The following ARHGAP42 variants were observed in gnomAD, a reference collection of about 807,000 sequenced individuals.
ARHGAP42 encodes the protein Rho GTPase activating protein 42.
A neutral mutation model predicts 125.0 loss-of-function variants in ARHGAP42; 63 were observed. The observed-to-expected ratio is 0.50, with a 90% CI of 0.41 to 0.62. ARHGAP42 has a LOEUF of 0.62. ARHGAP42 is among the 20% of genes least tolerant of loss of function. The pLI is 0.00. For synonymous variants in ARHGAP42, 339 were observed against 351.0 expected (o/e 0.97, Z 0.38); for missense variants, 766 against 1,024.2 (o/e 0.75, Z 3.44).
intron 1 of ARHGAP42, among the ~76,000 whole-genome samples, chr11:100,697,467 C>T (rs950127752): frequency 1.3e-5 from 2 of 152,158 alleles, no homozygotes; most frequent in African/African-American, 4.8e-5. Context: ...CAGGCGTGAG[C>T]CACCGCGCCC....
At chr11:100,705,015 A>AC (rs57168463) in intron 1 of ARHGAP42, among the ~76,000 whole-genome samples, 12,018 of 119,636 alleles carry the variant, frequency 0.1, 433 homozygotes, top group East Asian at 0.17. Context: ...AACAACAACA[A>AC]AAAAAAAAAA....
At chr11:100,733,826 A>T (rs1289611053) in intron 1 of ARHGAP42, among the ~76,000 whole-genome samples, 18 of 53,474 alleles carry the variant, frequency 3.4e-4, no homozygotes, top group Non-Finnish European at 5.7e-4. Flanking sequence ...TTCTGTCTGG[A>T]AAAAAAAAAA....
rs1862865045 is a variant in ARHGAP42, at chr11:100,767,769, C to T, written c.155-2574C>T. 2.0e-5 allele frequency among the ~76,000 whole-genome samples: 3 copies of T among 152,118 alleles called. No individual in the cohort carries two copies. The South Asian group carries it at 6.2e-4, about 32-fold the overall frequency. ...GGAATTACATTTAGGGCTTCAAATC[C>T]AGCAGAACATAAGGCCTTTATTTTA... On this transcript the variant is annotated intron_variant, in intron 1 of 23. Transcript: ENST00000298815.
chr11:100,957,597 A>G (rs1482622618), intron 12 of ARHGAP42, among the ~76,000 whole-genome samples: 1 of 152,136 alleles, frequency 6.6e-6, no homozygotes, highest in African/African-American at 2.4e-5. Flanking sequence ...CAAAGGAAAC[A>G]AAAATTCATG....
At chr11:100,759,361 GCTT>G (rs1804803154) in intron 1 of ARHGAP42, among the ~76,000 whole-genome samples, 1 of 152,064 alleles carries the variant, frequency 6.6e-6, no homozygotes, top group African/African-American at 2.4e-5. Flanking sequence ...TAGGCACCTG[GCTT>G]CTTATCTCTA....
intron 1 of ARHGAP42, among the ~76,000 whole-genome samples, chr11:100,765,521 T>A (rs1252087919): frequency 6.6e-6 from 1 of 152,194 alleles, no homozygotes; most frequent in African/African-American, 2.4e-5. Flanking sequence ...TTCTTGCGGC[T>A]ATTGTGAGGA....
At chr11:100,811,752 G>A (rs181014353) in intron 3 of ARHGAP42, among the ~76,000 whole-genome samples, 4 of 151,892 alleles carry the variant, frequency 2.6e-5, no homozygotes, top group East Asian at 3.9e-4. Context: ...CGCCTGCCTC[G>A]GCCTCCCAAA....
intron 1 of ARHGAP42, among the ~76,000 whole-genome samples, chr11:100,745,782 T>C (rs1204614959): frequency 1.3e-5 from 2 of 152,248 alleles, no homozygotes; most frequent in South Asian, 2.1e-4. Context: ...TGCTCAGCTA[T>C]TCCTTTAATA....
intron 3 of ARHGAP42, among the ~76,000 whole-genome samples, chr11:100,821,234 G>T (rs138945700): frequency 6.6e-6 from 1 of 152,108 alleles, no homozygotes; most frequent in African/African-American, 2.4e-5. Context: ...GGACTGGATA[G>T]AATTCTGGTT....
intron 3 of ARHGAP42, among the ~76,000 whole-genome samples, chr11:100,831,487 G>A (rs538356159): frequency 6.6e-5 from 10 of 152,074 alleles, no homozygotes; most frequent in East Asian, 1.9e-4. Context: ...TTTTTGAGAG[G>A]AGTCAAGAAA....
At chr11:100,895,939 C>T (rs552049350) in intron 4 of ARHGAP42, among the ~76,000 whole-genome samples, 7 of 152,186 alleles carry the variant, frequency 4.6e-5, no homozygotes, top group Non-Finnish European at 8.8e-5. Context: ...TTGCTGCACC[C>T]ATCAACTCGT....
chr11:100,703,121 T>G (rs1861424383), intron 1 of ARHGAP42, among the ~76,000 whole-genome samples: 1 of 152,150 alleles, frequency 6.6e-6, no homozygotes. Flanking sequence ...GAATATACTG[T>G]TTCGTATTAC....
chr11:100,957,493 C>T (rs972703733), intron 12 of ARHGAP42, among the ~76,000 whole-genome samples: 2 of 152,076 alleles, frequency 1.3e-5, no homozygotes, highest in African/African-American at 4.8e-5. Context: ...GATACTAGAG[C>T]TGAGAATTGG....
At chr11:100,774,678 G>T (rs919274797) in intron 2 of ARHGAP42, among the ~76,000 whole-genome samples, 4 of 152,160 alleles carry the variant, frequency 2.6e-5, no homozygotes, top group African/African-American at 9.7e-5. Flanking sequence ...TGCGCTTACA[G>T]TGGAAGAGGA....
chr11:100,753,238 G>A (rs933058213), intron 1 of ARHGAP42, among the ~76,000 whole-genome samples: 1 of 152,154 alleles, frequency 6.6e-6, no homozygotes, highest in East Asian at 1.9e-4. Flanking sequence ...AGAAGAGTTC[G>A]CTCAGGGAGT....
At chr11:100,727,586 C>T (rs750318726) in intron 1 of ARHGAP42, among the ~76,000 whole-genome samples, 3 of 152,126 alleles carry the variant, frequency 2.0e-5, no homozygotes, top group Non-Finnish European at 4.4e-5. Flanking sequence ...AACATGACTA[C>T]GTGATGAAGC....
intron 4 of ARHGAP42, among the ~76,000 whole-genome samples, chr11:100,863,097 G>A (rs952183393): frequency 6.7e-6 from 1 of 149,698 alleles, no homozygotes; most frequent in East Asian, 1.9e-4. Context: ...CAAAAAAAAG[G>A]CATGTTCTTC....
intron 3 of ARHGAP42, chr11:100,816,785 T>G (rs780820587): frequency 3.3e-5 from 5 of 152,158 alleles, no homozygotes; most frequent in Non-Finnish European, 7.4e-5. Flanking sequence ...GCCTGACATT[T>G]CCATGGCAAA....
chr11:100,899,069 A>G (rs936978938), intron 4 of ARHGAP42, among the ~76,000 whole-genome samples: 6 of 152,200 alleles, frequency 3.9e-5, no homozygotes, highest in African/African-American at 9.7e-5. Context: ...TTCAAAGAAC[A>G]TCTTTATTTC....
Sources: allele counts gnomAD v4.1 joint callset (sites outside exome capture counted in the v4.1 genomes callset), GRCh38; gene constraint gnomAD v4.1.1; transcripts MANE v1.5; gene names NCBI Gene and HGNC (gene_info 2026-07-23, HGNC 2026-07-21).